Variants in SLC13A3 observed in about 807,000 individuals in gnomAD.
SLC13A3 encodes the protein Na(+)/dicarboxylate cotransporter 3.
A neutral mutation model predicts 59.0 loss-of-function variants in SLC13A3; 40 were observed. That is an observed-to-expected ratio of 0.68 (90% CI 0.53 to 0.88). The LOEUF (loss-of-function observed/expected upper bound fraction) is 0.88. Ranked by LOEUF, SLC13A3 falls within the 40% of genes least tolerant of loss-of-function variation. The pLI, the probability that SLC13A3 is intolerant of heterozygous loss-of-function variation, is 0.00. For synonymous variants in SLC13A3, 317 were observed against 330.3 expected (o/e 0.96, Z 0.44); for missense variants, 699 against 783.2 (o/e 0.89, Z 1.28).
intron 1 of SLC13A3, among the ~76,000 whole-genome samples, chr20:46,635,870 C>T (rs1206670589): frequency 2.0e-5 from 3 of 152,234 alleles, no homozygotes; most frequent in African/African-American, 4.8e-5. Context: ...GTCCTCACTG[C>T]TCATTATATG....
intron 1 of SLC13A3, among the ~76,000 whole-genome samples, chr20:46,681,170 GCTCA>G (rs1404797133): frequency 2.0e-5 from 3 of 152,200 alleles, no homozygotes; most frequent in South Asian, 2.1e-4. Context: ...CAGCCCATGT[GCTCA>G]CTAAGTACCC....
intron 11 of SLC13A3, among the ~76,000 whole-genome samples, chr20:46,565,327 C>A (rs1215393896): frequency 6.6e-6 from 1 of 152,190 alleles, no homozygotes; most frequent in African/African-American, 2.4e-5. Context: ...TTTTTCTATG[C>A]TGGTGAACAG....
At chr20:46,641,487 G>T (rs757329921) in intron 1 of SLC13A3, among the ~76,000 whole-genome samples, 1 of 152,138 alleles carries the variant, frequency 6.6e-6, no homozygotes, top group Non-Finnish European at 1.5e-5. Flanking sequence ...TGATTTGTGG[G>T]ATGAAGAGGG....
chr20:46,572,960 T>C (rs1375286658), intron 10 of SLC13A3, among the ~76,000 whole-genome samples: 1 of 152,092 alleles, frequency 6.6e-6, no homozygotes, highest in African/African-American at 2.4e-5. Context: ...CAGGAGGCAA[T>C]AGCATAAGTC....
intron 1 of SLC13A3, among the ~76,000 whole-genome samples, chr20:46,624,023 C>T (rs543587585): frequency 1.3e-5 from 2 of 152,320 alleles, no homozygotes; most frequent in African/African-American, 4.8e-5. Context: ...GCCTGAAAAT[C>T]TCTCTCGTTC....
intron 3 of SLC13A3, among the ~76,000 whole-genome samples, chr20:46,602,496 T>G (rs2062389395): frequency 6.6e-6 from 1 of 151,458 alleles, no homozygotes; most frequent in Non-Finnish European, 1.5e-5. Flanking sequence ...CCTCTGGGAG[T>G]TGGGTGTGTG....
At chr20:46,580,626 C>T (rs1361977775) in intron 9 of SLC13A3, among the ~76,000 whole-genome samples, 1 of 152,062 alleles carries the variant, frequency 6.6e-6, no homozygotes, top group African/African-American at 2.4e-5. Flanking sequence ...CCCTCATTTT[C>T]TAAGTGAGAA....
chr20:46,591,745 C>A (rs1386417631), intron 6 of SLC13A3, among the ~76,000 whole-genome samples: 1 of 152,096 alleles, frequency 6.6e-6, no homozygotes, highest in Non-Finnish European at 1.5e-5. Context: ...ATCAGGGCCC[C>A]ATAAAATGGG....
intron 1 of SLC13A3, among the ~76,000 whole-genome samples, chr20:46,620,091 T>G (rs1417434764): frequency 6.6e-6 from 1 of 152,188 alleles, no homozygotes; most frequent in African/African-American, 2.4e-5. Flanking sequence ...CTTTCATCCT[T>G]GCTATTGCAA....
chr20:46,649,743 G>A (rs887712897), intron 1 of SLC13A3, among the ~76,000 whole-genome samples: 2 of 152,190 alleles, frequency 1.3e-5, no homozygotes, highest in Non-Finnish European at 2.9e-5. Flanking sequence ...GTGGCCTGGG[G>A]TGGGCTGAGT....
At chr20:46,654,526 G>T (rs1183418454), upstream of SLC13A3, among the ~76,000 whole-genome samples, 2 of 151,930 alleles carry the variant, frequency 1.3e-5, no homozygotes, top group African/African-American at 2.4e-5. Flanking sequence ...CAGCTATCAG[G>T]TATAATTTTT....
intron 9 of SLC13A3, among the ~76,000 whole-genome samples, chr20:46,581,330 A>G (rs963108313): frequency 9.9e-5 from 15 of 152,234 alleles, no homozygotes; most frequent in African/African-American, 3.4e-4. Context: ...TAGGCAGGCC[A>G]GGGATCTACG....
chr20:46,570,937 G>A (rs1178634884), intron 10 of SLC13A3, among the ~76,000 whole-genome samples: 1 of 152,188 alleles, frequency 6.6e-6, no homozygotes, highest in East Asian at 1.9e-4. Flanking sequence ...AAACATACCC[G>A]GGTGTGGGTA....
chr20:46,614,982 A>G (rs757130277), intron 1 of SLC13A3, among the ~76,000 whole-genome samples: 1 of 152,188 alleles, frequency 6.6e-6, no homozygotes, highest in Non-Finnish European at 1.5e-5. Flanking sequence ...CTATACCTAG[A>G]TTGGAGTGGT....
intron 1 of SLC13A3, among the ~76,000 whole-genome samples, chr20:46,644,854 C>A (rs189133318): frequency 6.6e-6 from 1 of 152,340 alleles, no homozygotes; most frequent in East Asian, 1.9e-4. Context: ...AGACATGGGG[C>A]TAAACTTCCC....
intron 12 of SLC13A3, among the ~76,000 whole-genome samples, chr20:46,561,577 G>A (rs1327048141): frequency 6.6e-6 from 1 of 151,610 alleles, no homozygotes; most frequent in Non-Finnish European, 1.5e-5. Flanking sequence ...ACTGGCCATG[G>A]CATATATTAA....
intron 1 of SLC13A3, among the ~76,000 whole-genome samples, chr20:46,658,130 C>T (rs1023050010): frequency 2.4e-4 from 37 of 151,772 alleles, no homozygotes; most frequent in Admixed American, 1.8e-3. Flanking sequence ...ATTGACACTG[C>T]GGGAGGGTGG....
chr20:46,669,356 T>C (rs577307115), intron 1 of SLC13A3, among the ~76,000 whole-genome samples: 2 of 150,874 alleles, frequency 1.3e-5, no homozygotes, highest in African/African-American at 4.9e-5. Context: ...TCCCATACCA[T>C]TGACTGAGCA....
At chr20:46,609,180 T>C (rs2062466870) in intron 3 of SLC13A3, 2 of 1,393,848 alleles carry the variant, frequency 1.4e-6, no homozygotes, top group East Asian at 2.5e-5. Flanking sequence ...CATTTTAAAG[T>C]GACATGATGT....
Sources: allele counts gnomAD v4.1 joint callset (sites outside exome capture counted in the v4.1 genomes callset), GRCh38; gene constraint gnomAD v4.1.1; transcripts MANE v1.5; gene names NCBI Gene and HGNC (gene_info 2026-07-23, HGNC 2026-07-21).